The following ALDH1L2 variants were observed in gnomAD, a reference collection of about 807,000 sequenced individuals.
ALDH1L2 encodes the protein mitochondrial 10-formyltetrahydrofolate dehydrogenase.
Under a neutral mutation model 111.0 loss-of-function variants are expected in ALDH1L2, and 91 were observed. That is an observed-to-expected ratio of 0.82 (90% CI 0.69 to 0.98). The LOEUF is 0.98. Ranked by LOEUF, ALDH1L2 falls within the 50% of genes least tolerant of loss-of-function variation. The pLI, the probability that ALDH1L2 is intolerant of heterozygous loss-of-function variation, is 0.00. For synonymous variants in ALDH1L2, 374 were observed against 392.6 expected, an observed-to-expected ratio of 0.95 and a Z score of 0.56; for missense variants, 995 against 1,126.8, an observed-to-expected ratio of 0.88 and a Z score of 1.67.
At position 105,024,301 on chromosome 12, in the gene ALDH1L2, G is replaced by A; in HGVS notation, c.*123C>T. 10 of 1,033,122 alleles carry A rather than the reference G, an allele frequency of 9.7e-6. No individual in the cohort carries two copies. The South Asian group carries it at 1.4e-4, about 14-fold the overall frequency. The allele number at this position is 1,033,122 out of a possible 1,614,324, so 64.0% of individuals were successfully genotyped here. On this transcript the variant is annotated 3_prime_UTR_variant, in exon 23 of 23. Transcript: ENST00000258494. ...TTTAACATGGCCTGGCCCTCTTCAT[G>A]GTCCATCTGTGTATTTTTTGGTTTG... is the stretch of plus-strand genomic sequence containing the variant.
At chr12:105,047,769 A>G (rs192114225) in intron 13 of ALDH1L2, 45 of 152,266 alleles carry the variant, frequency 3.0e-4, no homozygotes, top group African/African-American at 1.1e-3. Flanking sequence ...TTCTTAAAAC[A>G]CTTGTAGCCA....
rs1184801631 is a variant in ALDH1L2, at chr12:105,052,816, C to T, written c.1403G>A (p.Gly468Glu). The T allele has an allele frequency of 1.9e-6, 3 of 1,614,080 alleles. No individual in the cohort carries two copies. Among genetic ancestry groups the T allele is most frequent in the East Asian group, 4.5e-5 (2 of 44,872 alleles). Residue 468 changes from glycine to glutamate, a missense_variant, in exon 11 of 23, where the codon GGA (glycine) becomes GAA (glutamate). Gly to Glu is a moderately conservative substitution (Grantham distance 98). Transcript: ENST00000258494. The part of the protein sequence containing the change: ...KTYDTINPTD[G>E]STICKVSYAS... ...TCACACTAAAGAATTACTCACAGAT[C>T]CATCTGTTGGGTTGATAGTGTCGTA...
chr12:105,068,343 T>G (rs999997729), intron 4 of ALDH1L2, among the ~76,000 whole-genome samples: 3 of 152,176 alleles, frequency 2.0e-5, no homozygotes, highest in Non-Finnish European at 4.4e-5. Flanking sequence ...TTACAGAGGC[T>G]AATTTAAAGT....
In ALDH1L2 at chr12:105,021,868, G is replaced by C. The variant is rs1208233969; in HGVS notation, c.*2556C>G. Reference sequence around the variant, plus strand: ...TATGTTTGAAACAAGTGGGAACGCTGAGGAGAAACACTTAGCCCAGCTAGG... The same window carrying C: ...TATGTTTGAAACAAGTGGGAACGCTCAGGAGAAACACTTAGCCCAGCTAGG... On this transcript the variant is annotated 3_prime_UTR_variant, in exon 23 of 23. Transcript: ENST00000258494. 1 of 152,168 alleles carries C rather than the reference G, an allele frequency of 6.6e-6. No homozygotes were observed. The highest frequency in any genetic ancestry group is 2.4e-5 in the African/African-American group (1 of 41,420). 9.4% of individuals were successfully genotyped at this position (152,168 alleles called of 1,614,324 possible). A position where few individuals can be genotyped will look rare whatever the true frequency, so the allele number is the denominator to read the frequency against.
chr12:105,065,249 G>A lies in ALDH1L2; in HGVS notation c.786+18C>T. 8.3e-7 allele frequency: 1 copy of A among 1,199,322 alleles called. No homozygotes were observed. Among genetic ancestry groups the A allele is most frequent in the Non-Finnish European group, 1.1e-6 (1 of 878,318 alleles). 74.3% of individuals were successfully genotyped at this position (1,199,322 alleles called of 1,614,324 possible). On this transcript the variant is annotated intron_variant, in intron 6 of 22. Transcript: ENST00000258494. ...ATAATCGGGGAGGGGGGTGGGGGGA[G>A]TGGTCCCTAAAACATACCTGTCCAT... is the stretch of plus-strand genomic sequence containing the variant.
intron 15 of ALDH1L2, among the ~76,000 whole-genome samples, chr12:105,045,601 T>A (rs1875794122): frequency 6.6e-6 from 1 of 152,074 alleles, no homozygotes; most frequent in Non-Finnish European, 1.5e-5. Context: ...GGTAAACTGC[T>A]TGGCTGGGGA....
intron 5 of ALDH1L2, among the ~76,000 whole-genome samples, chr12:105,065,943 C>T (rs1212422145): frequency 2.0e-5 from 3 of 152,030 alleles, no homozygotes; most frequent in Admixed American, 6.6e-5. Context: ...TTTGGAATTT[C>T]CTTCTCTGCC....
intron 7 of ALDH1L2, among the ~76,000 whole-genome samples, chr12:105,062,055 C>G (rs973134272): frequency 6.6e-5 from 10 of 152,208 alleles, no homozygotes; most frequent in Admixed American, 5.9e-4. Flanking sequence ...ACAGACACCA[C>G]CAGTGCTGCT....
In ALDH1L2 at chr12:105,066,586, C is replaced by A; in HGVS notation, c.678G>T (p.Gln226His). The change falls in exon 5 of 23, where the codon CAG becomes CAT. Residue 226 changes from glutamine (Q) to histidine (H), a missense_variant. Transcript: ENST00000258494. Reference protein sequence around the residue: ...PEEGATYEGIQKKENAEISWD... With the variant: ...PEEGATYEGIHKKENAEISWD... ...TAAATACCTCAGCATTTTCCTTTTTCTGGATACCTTCATATGTTGCCCCTT... is the reference window on the plus strand; with the variant it reads ...TAAATACCTCAGCATTTTCCTTTTTATGGATACCTTCATATGTTGCCCCTT... 3 of 1,614,116 alleles carry A rather than the reference C, an allele frequency of 1.9e-6. No individual in the cohort carries two copies. Among genetic ancestry groups the A allele is most frequent in the Non-Finnish European group, 2.5e-6 (3 of 1,179,994 alleles).
chr12:105,052,885 C>T lies in ALDH1L2; in HGVS notation c.1334G>A (p.Cys445Tyr). The stretch of plus-strand genomic sequence containing the variant: ...ATCTGTGAACTGTCCATTTATGAAA[C>T]ACTGGTATGGCATTTTTACCATGAT... ...NEIMVKMPYQCFINGQFTDAD... is the reference protein window; with the variant it reads ...NEIMVKMPYQYFINGQFTDAD... Residue 445 changes from cysteine to tyrosine, a missense_variant, in exon 11 of 23, where the codon TGT becomes TAT. Cys to Tyr is a radical substitution (Grantham distance 194). Coordinates refer to ENST00000258494, the MANE Select transcript of ALDH1L2 (RefSeq NM_001034173.4). The T allele has an allele frequency of 6.2e-7, 1 of 1,613,992 alleles. No homozygotes were observed. Among genetic ancestry groups the T allele is most frequent in the East Asian group, 2.2e-5 (1 of 44,874 alleles).
At chr12:105,038,300 ACACAC>A in intron 17 of ALDH1L2, 98 bp from the exon 18 acceptor site, 1 of 655,918 alleles carries the variant, frequency 1.5e-6, no homozygotes, top group Non-Finnish European at 2.6e-6. Context: ...ACACACACAC[ACACAC>A]ACACACACAC....
At chr12:105,063,486 AAAAAG>A (rs896663313) in intron 6 of ALDH1L2, among the ~76,000 whole-genome samples, 1 of 151,782 alleles carries the variant, frequency 6.6e-6, no homozygotes, top group African/African-American at 2.4e-5. Flanking sequence ...AAAGAAAAAA[AAAAAG>A]AAAGAAAGAA....
chr12:105,049,801 G>A lies in ALDH1L2; in HGVS notation c.1686+107C>T, dbSNP rs1876137144. 12 of 1,293,436 alleles carry A rather than the reference G, an allele frequency of 9.3e-6. No individual in the cohort carries two copies. In the South Asian group the frequency reaches 1.4e-4, roughly 15 times the overall value. 80.1% of individuals were successfully genotyped at this position (1,293,436 alleles called of 1,614,324 possible). On this transcript the variant is annotated intron_variant, in intron 13 of 22. Coordinates refer to ENST00000258494, the MANE Select transcript of ALDH1L2 (RefSeq NM_001034173.4). ...AAATGGATTGAGACAACCCTGTTAT[G>A]TTGGTGTAAAAAAATCTACATAAAA...
chr12:105,084,119 C>T (rs536378746), intron 1 of ALDH1L2, among the ~76,000 whole-genome samples: 1 of 152,326 alleles, frequency 6.6e-6, no homozygotes, highest in East Asian at 1.9e-4. Flanking sequence ...CCCAGCCAGA[C>T]TTGACACGTC....
At chr12:105,066,492 C>T (rs1334350678) in intron 5 of ALDH1L2, 76 bp downstream of exon 5, 1 of 1,393,072 alleles carries the variant, frequency 7.2e-7, no homozygotes, top group Non-Finnish European at 1.0e-6. Flanking sequence ...TTGGCAAGAT[C>T]ATAGTATGTG....
intron 1 of ALDH1L2, among the ~76,000 whole-genome samples, chr12:105,082,113 G>T (rs1469666696): frequency 3.3e-5 from 5 of 152,226 alleles, no homozygotes; most frequent in African/African-American, 1.2e-4. Flanking sequence ...AGAATTGCTT[G>T]AACCCCGGAG....
At chr12:105,046,453 G>GA (rs1395211788) in intron 15 of ALDH1L2, among the ~76,000 whole-genome samples, 1 of 151,370 alleles carries the variant, frequency 6.6e-6, no homozygotes, top group Admixed American at 6.6e-5. Context: ...TTGGTTCGTA[G>GA]AAAGTCATTG....
rs774824234 is a variant in ALDH1L2 at position 105,046,727 on chromosome 12, C to G, written c.1846G>C (p.Val616Leu). The change falls in exon 15 of 23, where the codon GTG becomes CTG. Residue 616 changes from valine to leucine, a missense_variant. Transcript: ENST00000258494. ...GGCCTTACCTGTGCTGGCTTGAGCA[C>G]TAAGGTATTGCCTGCTGCCAAACAC... ...AACLAAGNTL[V>L]LKPAQVTPLT... The G allele has an allele frequency of 5.0e-6, 8 of 1,613,982 alleles. No individual in the cohort carries two copies. The highest frequency in any genetic ancestry group is 6.8e-6 in the Non-Finnish European group (8 of 1,180,004).
At chr12:105,064,864 A>G (rs1317746338) in intron 6 of ALDH1L2, among the ~76,000 whole-genome samples, 2 of 152,166 alleles carry the variant, frequency 1.3e-5, no homozygotes, top group African/African-American at 4.8e-5. Context: ...TCCTTTTGCA[A>G]GTCCTTGACC....
Sources: allele counts gnomAD v4.1 joint callset (sites outside exome capture counted in the v4.1 genomes callset), GRCh38; gene constraint gnomAD v4.1.1; transcripts MANE v1.5; gene names NCBI Gene and HGNC (gene_info 2026-07-23, HGNC 2026-07-21).